Variants in NLGN1 observed in about 807,000 individuals in gnomAD.
NLGN1 encodes the protein neuroligin 1, also known as neuroligin-1.
Under a neutral mutation model 65.5 loss-of-function variants are expected in NLGN1, and 12 were observed. That is an observed-to-expected ratio of 0.18 (90% CI 0.12 to 0.30). NLGN1 has a LOEUF of 0.30. NLGN1 is among the 10% of genes least tolerant of loss of function. The pLI, the probability that NLGN1 is intolerant of heterozygous loss-of-function variation, is 1.00. For missense variants in NLGN1, 750 were observed against 1,007.1 expected (o/e 0.74, Z 3.46); for synonymous variants, 350 against 359.5 (o/e 0.97, Z 0.30).
chr3:174,095,071 A>G (rs1035807218), intron 4 of NLGN1, among the ~76,000 whole-genome samples: 1 of 152,138 alleles, frequency 6.6e-6, no homozygotes, highest in Non-Finnish European at 1.5e-5. Flanking sequence ...GGGAGGGATT[A>G]AGGACTGGAT....
intron 3 of NLGN1, among the ~76,000 whole-genome samples, chr3:173,748,715 T>C (rs548500585): frequency 6.6e-6 from 1 of 152,272 alleles, no homozygotes; most frequent in African/African-American, 2.4e-5. Context: ...TGACTTTTCA[T>C]CTGGAGTATT....
At chr3:173,686,326 A>G (rs182535222) in intron 3 of NLGN1, among the ~76,000 whole-genome samples, 52 of 152,080 alleles carry the variant, frequency 3.4e-4, no homozygotes, top group Non-Finnish European at 5.1e-4. Context: ...CTGTTTAATA[A>G]GTAAAAATTT....
intron 2 of NLGN1, among the ~76,000 whole-genome samples, chr3:173,508,048 CA>C (rs1401787311): frequency 2.0e-5 from 3 of 152,168 alleles, no homozygotes; most frequent in African/African-American, 7.2e-5. Flanking sequence ...ATGCTGTCTT[CA>C]GGACAACTGA....
chr3:174,239,424 T>A (rs1427762657), intron 4 of NLGN1, among the ~76,000 whole-genome samples: 1 of 152,204 alleles, frequency 6.6e-6, no homozygotes, highest in Non-Finnish European at 1.5e-5. Context: ...TTGTACTGTA[T>A]TTCTCTTGGC....
At chr3:173,425,552 T>G (rs1715938826) in intron 1 of NLGN1, among the ~76,000 whole-genome samples, 1 of 152,196 alleles carries the variant, frequency 6.6e-6, no homozygotes, top group Non-Finnish European at 1.5e-5. Context: ...ATTTCCATTC[T>G]TCTGCATATG....
intron 2 of NLGN1, among the ~76,000 whole-genome samples, chr3:173,546,737 A>G (rs1368791910): frequency 6.6e-6 from 1 of 152,306 alleles, no homozygotes; most frequent in Admixed American, 6.5e-5. Context: ...ATGAAATGAT[A>G]ACAACTGTCA....
At chr3:173,448,231 C>A (rs9755107) in intron 2 of NLGN1, among the ~76,000 whole-genome samples, 102,516 of 151,934 alleles carry the variant, frequency 0.67, 35,058 homozygotes, top group East Asian at 0.91. Flanking sequence ...TTTGAGATAC[C>A]TCCCATCAAT....
intron 4 of NLGN1, among the ~76,000 whole-genome samples, chr3:174,217,195 G>GTTC (rs1737781893): frequency 6.6e-6 from 1 of 152,056 alleles, no homozygotes; most frequent in Non-Finnish European, 1.5e-5. Flanking sequence ...GTCACATGGG[G>GTTC]TTCTTCCCTT....
At chr3:173,620,528 G>GA (rs1232452716) in intron 3 of NLGN1, among the ~76,000 whole-genome samples, 2 of 152,030 alleles carry the variant, frequency 1.3e-5, no homozygotes, top group African/African-American at 4.8e-5. Flanking sequence ...GGAGGAAAGA[G>GA]AAAGTGTCAA....
At chr3:174,071,753 T>G (rs1386344956) in intron 4 of NLGN1, among the ~76,000 whole-genome samples, 2 of 152,084 alleles carry the variant, frequency 1.3e-5, no homozygotes, top group Non-Finnish European at 2.9e-5. Flanking sequence ...GTGCATTTGT[T>G]TGGAAATATG....
chr3:174,257,134 A>C (rs1745936758), intron 4 of NLGN1, among the ~76,000 whole-genome samples: 1 of 152,232 alleles, frequency 6.6e-6, no homozygotes, highest in Non-Finnish European at 1.5e-5. Flanking sequence ...ACATAAATGC[A>C]GCCAACAAAC....
chr3:174,107,993 A>G (rs965814236), intron 4 of NLGN1, among the ~76,000 whole-genome samples: 1 of 151,900 alleles, frequency 6.6e-6, no homozygotes, highest in African/African-American at 2.4e-5. Context: ...TGCTTCTTTT[A>G]CTGTTGAGTT....
rs1561152763 is a variant in NLGN1 at position 174,146,144 on chromosome 3, CCTTCCTT to C, written c.647-129169_647-129163del. 2.9e-3 allele frequency among the ~76,000 whole-genome samples: 422 copies of C among 143,704 alleles called. 6 individuals carry two copies. The highest frequency in any genetic ancestry group is 0.012 in the African/African-American group (408 of 34,390). 94.3% of individuals were successfully genotyped at this position (143,704 alleles called of 152,430 possible). A position where few individuals can be genotyped will look rare whatever the true frequency, so the allele number is the denominator to read the frequency against. ...TCCTTCCTTCCTTCCTTCCTTCCTT[CCTTCCTT>C]CCTCTCTCCCTCCCTCCCTTCCTCT... On this transcript the variant is annotated intron_variant, in intron 4 of 6. Coordinates refer to ENST00000457714, the Ensembl canonical transcript of NLGN1.
intron 3 of NLGN1, among the ~76,000 whole-genome samples, chr3:173,795,044 T>C (rs574163276): frequency 1.3e-5 from 2 of 152,242 alleles, no homozygotes; most frequent in East Asian, 3.9e-4. Flanking sequence ...TGTGTTTATG[T>C]GTCTTCTTCC....
intron 4 of NLGN1, among the ~76,000 whole-genome samples, chr3:174,004,666 GATA>G (rs2152432172): frequency 6.6e-6 from 1 of 152,196 alleles, no homozygotes; most frequent in Non-Finnish European, 1.5e-5. Flanking sequence ...ATGCAAAGAT[GATA>G]ATTTGGTAAG....
At chr3:173,836,267 T>C (rs1723610316) in intron 4 of NLGN1, among the ~76,000 whole-genome samples, 1 of 152,160 alleles carries the variant, frequency 6.6e-6, no homozygotes, top group African/African-American at 2.4e-5. Flanking sequence ...AGGTATCTTA[T>C]AACATTGTTT....
chr3:174,062,603 C>T (rs192492172), intron 4 of NLGN1, among the ~76,000 whole-genome samples: 3 of 151,866 alleles, frequency 2.0e-5, no homozygotes, highest in East Asian at 1.9e-4. Context: ...TACATGACAG[C>T]CCTTTAGAAT....
chr3:173,618,110 G>A (rs978544348), intron 3 of NLGN1, among the ~76,000 whole-genome samples: 1 of 152,084 alleles, frequency 6.6e-6, no homozygotes, highest in Non-Finnish European at 1.5e-5. Flanking sequence ...GGCCTGTGTG[G>A]GGTTCTCATT....
At chr3:173,861,109 G>A (rs1270002298) in intron 4 of NLGN1, among the ~76,000 whole-genome samples, 1 of 151,980 alleles carries the variant, frequency 6.6e-6, no homozygotes, top group African/African-American at 2.4e-5. Context: ...TCAAAAATTA[G>A]CCTGTTATAA....
Sources: allele counts gnomAD v4.1 joint callset (sites outside exome capture counted in the v4.1 genomes callset), GRCh38; gene constraint gnomAD v4.1.1; transcripts MANE v1.5; gene names NCBI Gene and HGNC (gene_info 2026-07-23, HGNC 2026-07-21).